SLC27A2: variants seen among roughly 807,000 people sequenced by gnomAD.
SLC27A2 encodes solute carrier family 27 member 2, also known as long-chain fatty acid transport protein 2.
SLC27A2 carries 54 observed loss-of-function variants against 60.0 expected under a neutral mutation model. The observed-to-expected ratio is 0.90, with a 90% CI of 0.72 to 1.13. The LOEUF is 1.13. SLC27A2 is among the 50% of genes most tolerant of loss of function. The probability of loss-of-function intolerance (pLI) is 0.00; values close to 1 mark genes in which losing one functional copy is unlikely to be tolerated. For synonymous variants in SLC27A2, 297 were observed against 297.6 expected (o/e 1.00, Z 0.02); for missense variants, 739 against 777.6 (o/e 0.95, Z 0.59).
At chr15:50,216,001 G>A (rs2045192783) in intron 4 of SLC27A2, among the ~76,000 whole-genome samples, 1 of 152,130 alleles carries the variant, frequency 6.6e-6, no homozygotes. Context: ...ACAGCAAAAG[G>A]AACAGTCAGC....
intron 4 of SLC27A2, among the ~76,000 whole-genome samples, chr15:50,215,114 A>G (rs528559733): frequency 1.3e-5 from 2 of 152,316 alleles, no homozygotes; most frequent in East Asian, 3.9e-4. Flanking sequence ...AGAATTCAGC[A>G]TAGTTTCCAG....
chr15:50,201,984 G>A (rs560462894), intron 2 of SLC27A2, among the ~76,000 whole-genome samples: 1 of 152,284 alleles, frequency 6.6e-6, no homozygotes, highest in East Asian at 1.9e-4. Flanking sequence ...CTGTGGATTG[G>A]AGAATATAAT....
At chr15:50,211,691 C>A (rs1329732140) in intron 4 of SLC27A2, among the ~76,000 whole-genome samples, 4 of 151,974 alleles carry the variant, frequency 2.6e-5, no homozygotes, top group Non-Finnish European at 5.9e-5. Context: ...AGGGAGGAAC[C>A]AGAGAAATAT....
intron 1 of SLC27A2, among the ~76,000 whole-genome samples, chr15:50,183,755 G>T (rs1276311271): frequency 6.6e-6 from 1 of 152,124 alleles, no homozygotes; most frequent in Non-Finnish European, 1.5e-5. Context: ...GTAAGAAGAG[G>T]CCTACACAGG....
chr15:50,195,030 A>C (rs750505126), intron 1 of SLC27A2, among the ~76,000 whole-genome samples: 7 of 152,200 alleles, frequency 4.6e-5, no homozygotes, highest in Non-Finnish European at 1.0e-4. Flanking sequence ...ACCCTAGACA[A>C]TGTAAAGGGA....
Position 50,236,185 on chromosome 15 carries a change from T to C in SLC27A2, c.*89T>C, listed in dbSNP as rs1450207875. 8.3e-7 allele frequency: 1 copy of C among 1,201,202 alleles called. No homozygotes were observed. The highest frequency in any genetic ancestry group is 1.9e-5 in the South Asian group (1 of 52,806). 74.4% of individuals were successfully genotyped at this position (1,201,202 alleles called of 1,614,324 possible). A position where few individuals can be genotyped will look rare whatever the true frequency, so the allele number is the denominator to read the frequency against. ...ATCCAACTTTAATTTGATTGAAGATTGTGAGGAAATTTTGTAGGAAATTTG... is the reference window on the plus strand; with the variant it reads ...ATCCAACTTTAATTTGATTGAAGATCGTGAGGAAATTTTGTAGGAAATTTG... On this transcript the variant is annotated 3_prime_UTR_variant, in exon 10 of 10. Transcript: ENST00000267842.
chr15:50,187,560 A>G (rs78551679), intron 1 of SLC27A2, among the ~76,000 whole-genome samples: 11,296 of 152,214 alleles, frequency 0.074, 461 homozygotes, highest in South Asian at 0.12. Context: ...TCATCAGCTC[A>G]CTGGCAGGGT....
At chr15:50,191,141 G>C (rs1385736172) in intron 1 of SLC27A2, 1 of 152,138 alleles carries the variant, frequency 6.6e-6, no homozygotes, top group Non-Finnish European at 1.5e-5. Context: ...AAGATTACTG[G>C]TATCTATATC....
At chr15:50,217,615 G>A (rs1033437753) in intron 4 of SLC27A2, among the ~76,000 whole-genome samples, 3 of 152,150 alleles carry the variant, frequency 2.0e-5, no homozygotes, top group Non-Finnish European at 4.4e-5. Context: ...CCAGCTAGCA[G>A]TAGCCCCCTC....
At chr15:50,231,188 A>G (rs1292694212) in intron 8 of SLC27A2, among the ~76,000 whole-genome samples, 1 of 136,844 alleles carries the variant, frequency 7.3e-6, no homozygotes, top group Non-Finnish European at 1.5e-5. Flanking sequence ...CTCGTTGCCC[A>G]GGCTGGAGTG....
At chr15:50,224,440 A>G (rs959344707) in intron 5 of SLC27A2, among the ~76,000 whole-genome samples, 27 of 152,026 alleles carry the variant, frequency 1.8e-4, no homozygotes, top group Middle Eastern at 3.2e-3. Context: ...ACTCCATCTC[A>G]AAAAAAAGAA....
intron 4 of SLC27A2, among the ~76,000 whole-genome samples, chr15:50,217,578 C>T (rs1425261954): frequency 1.3e-5 from 2 of 152,142 alleles, no homozygotes; most frequent in Admixed American, 6.5e-5. Flanking sequence ...GACATGGGCT[C>T]ACTGCCTCGT....
chr15:50,223,186 AC>A (rs777692152), intron 5 of SLC27A2, 27 bp downstream of exon 5: 1 of 1,545,724 alleles, frequency 6.5e-7, no homozygotes, highest in South Asian at 1.2e-5. Context: ...ATGAGAGCAT[AC>A]GTAGCCAGTT....
At position 50,182,224 on chromosome 15, in the gene SLC27A2, C is replaced by T. The variant is rs1424752878; in HGVS notation, c.-204C>T. On this transcript the variant is annotated 5_prime_UTR_variant, in exon 1 of 10. Transcript: ENST00000267842. ...CCTGCCCGGAACCCCCGGCAACGCG[C>T]ATACGACTACACCTGCTCCGGAGCC... is the stretch of plus-strand genomic sequence containing the variant. The T allele has an allele frequency of 9.2e-6, 7 of 762,548 alleles. No homozygotes were observed. The highest frequency in any genetic ancestry group is 4.6e-5 in the Admixed American group (1 of 21,966). 47.2% of individuals were successfully genotyped at this position (762,548 alleles called of 1,614,324 possible).
chr15:50,226,445 T>C (rs1344887677), intron 6 of SLC27A2, among the ~76,000 whole-genome samples: 2 of 152,182 alleles, frequency 1.3e-5, no homozygotes, highest in Non-Finnish European at 2.9e-5. Flanking sequence ...AGTAAAAGAA[T>C]TACAGGCCAG....
intron 2 of SLC27A2, among the ~76,000 whole-genome samples, chr15:50,200,429 A>C (rs2045055291): frequency 6.6e-6 from 1 of 151,366 alleles, no homozygotes; most frequent in African/African-American, 2.4e-5. Flanking sequence ...AATAATAATA[A>C]TAATAATAAT....
chr15:50,225,228 A>G (rs937274094), intron 5 of SLC27A2, among the ~76,000 whole-genome samples: 2 of 152,230 alleles, frequency 1.3e-5, no homozygotes, highest in African/African-American at 4.8e-5. Context: ...CACAGTAATC[A>G]TGGCTAATAA....
intron 5 of SLC27A2, among the ~76,000 whole-genome samples, chr15:50,224,932 C>A (rs866853077): frequency 1.3e-5 from 2 of 152,112 alleles, no homozygotes; most frequent in African/African-American, 4.8e-5. Context: ...GTATATTACC[C>A]ATTCTTTACT....
chr15:50,188,635 A>G (rs2140894822), intron 1 of SLC27A2, among the ~76,000 whole-genome samples: 1 of 152,264 alleles, frequency 6.6e-6, no homozygotes, highest in East Asian at 1.9e-4. Context: ...TTCCCTAGTA[A>G]TGTCTAGCAC....
Sources: gnomAD v4.1 joint callset for allele counts (sites outside exome capture counted in the v4.1 genomes callset) on GRCh38, gnomAD v4.1.1 for gene constraint, MANE v1.5 for transcripts, NCBI Gene and HGNC (gene_info 2026-07-23, HGNC 2026-07-21) for gene names.